SH3PXD2A: variants seen among roughly 807,000 people sequenced by gnomAD.
SH3PXD2A encodes the protein SH3 and PX domain-containing protein 2A.
Under a neutral mutation model 115.2 loss-of-function variants are expected in SH3PXD2A, and 32 were observed. The ratio of observed to expected loss-of-function variants is 0.28; its 90% CI spans 0.21 to 0.37. SH3PXD2A has a LOEUF of 0.37. SH3PXD2A is among the 10% of genes least tolerant of loss of function. SH3PXD2A has a pLI of 1.00. For synonymous variants in SH3PXD2A, 610 were observed against 629.1 expected (o/e 0.97, Z 0.45); for missense variants, 1,328 against 1,498.7 (o/e 0.89, Z 1.88).
chr10:103,622,570 C>T lies in SH3PXD2A; in HGVS notation c.719-17G>A, dbSNP rs761651734. ...TCTTGGACACTGGTGTGGGAGATGG[C>T]GATGGAGCATGCGGCCAACAGCAAC... On this transcript the variant is annotated splice_polypyrimidine_tract_variant and intron_variant, in intron 9 of 14. Coordinates refer to ENST00000369774, the MANE Select transcript of SH3PXD2A (RefSeq NM_001394015.1). 1.7e-5 allele frequency: 26 copies of T among 1,532,622 alleles called. No homozygotes were observed. Among genetic ancestry groups the T allele is most frequent in the East Asian group, 2.5e-5 (1 of 40,590 alleles). The allele number at this position is 1,532,622 out of a possible 1,614,324, so 94.9% of individuals were successfully genotyped here.
intron 3 of SH3PXD2A, among the ~76,000 whole-genome samples, chr10:103,741,745 C>T (rs1431204856): frequency 6.6e-6 from 1 of 152,204 alleles, no homozygotes; most frequent in East Asian, 1.9e-4. Flanking sequence ...GCTCCAAGGA[C>T]AGCCCTCCTG....
At chr10:103,830,626 A>G (rs190423666) in intron 1 of SH3PXD2A, among the ~76,000 whole-genome samples, 2 of 152,376 alleles carry the variant, frequency 1.3e-5, no homozygotes, top group East Asian at 3.9e-4. Context: ...TGTGGTGGAC[A>G]TGAGTATGGA....
rs2036144496 is a variant in SH3PXD2A, at chr10:103,596,920, A to C, written c.*4896T>G. On this transcript the variant is annotated 3_prime_UTR_variant, in exon 15 of 15. Coordinates refer to ENST00000369774, the MANE Select transcript of SH3PXD2A (RefSeq NM_001394015.1). Reference sequence around the variant, plus strand: ...AGCAAGCATACAGTACTGGAGGTGGAGGGAACAAGCCACAGGGACGTCCCT... The same window carrying C: ...AGCAAGCATACAGTACTGGAGGTGGCGGGAACAAGCCACAGGGACGTCCCT... 6.6e-6 allele frequency: 1 copy of C among 152,548 alleles called. No individual in the cohort carries two copies. The highest frequency in any genetic ancestry group is 1.5e-5 in the Non-Finnish European group (1 of 68,034). 9.4% of individuals were successfully genotyped at this position (152,548 alleles called of 1,614,324 possible). A position where few individuals can be genotyped will look rare whatever the true frequency, so the allele number is the denominator to read the frequency against.
chr10:103,692,925 A>ACCCCCCCCAC, intron 6 of SH3PXD2A, 103 bp downstream of exon 6: 21 of 908,234 alleles, frequency 2.3e-5, no homozygotes, highest in East Asian at 5.6e-5. Flanking sequence ...TGCAAGGACA[A>ACCCCCCCCAC]CCCCCCCCTC....
chr10:103,769,433 C>T, intron 2 of SH3PXD2A, among the ~76,000 whole-genome samples: 1 of 131,112 alleles, frequency 7.6e-6, no homozygotes, highest in East Asian at 2.1e-4. Flanking sequence ...TTTTCTTTTT[C>T]TTTCTTCTTC....
chr10:103,651,431 C>T (rs548565871), intron 8 of SH3PXD2A, among the ~76,000 whole-genome samples: 80 of 152,360 alleles, frequency 5.3e-4, no homozygotes, highest in African/African-American at 1.8e-3. Flanking sequence ...CACAACTGAC[C>T]GCTGCTTTCC....
intron 1 of SH3PXD2A, among the ~76,000 whole-genome samples, chr10:103,802,520 G>C (rs1420832154): frequency 2.0e-5 from 3 of 152,192 alleles, no homozygotes; most frequent in Non-Finnish European, 2.9e-5. Context: ...GAGAAGGAGA[G>C]AAAGCCCCCA....
intron 8 of SH3PXD2A, among the ~76,000 whole-genome samples, chr10:103,632,582 C>T (rs1294944209): frequency 3.4e-5 from 5 of 147,042 alleles, no homozygotes; most frequent in Non-Finnish European, 6.1e-5. Context: ...AACCTGTGCC[C>T]ACCTAGGTGG....
chr10:103,743,708 C>G (rs550300982), intron 3 of SH3PXD2A, among the ~76,000 whole-genome samples: 1 of 152,190 alleles, frequency 6.6e-6, no homozygotes, highest in East Asian at 1.9e-4. Flanking sequence ...CAAGCAGACA[C>G]CAAGAGGGTA....
chr10:103,781,416 G>C (rs2038930693), intron 2 of SH3PXD2A, among the ~76,000 whole-genome samples: 2 of 152,182 alleles, frequency 1.3e-5, no homozygotes, highest in African/African-American at 4.8e-5. Context: ...ACCAGCTGGG[G>C]GAGTCTGAGT....
chr10:103,734,942 G>A (rs1443128092), intron 4 of SH3PXD2A, among the ~76,000 whole-genome samples: 1 of 152,222 alleles, frequency 6.6e-6, no homozygotes, highest in Non-Finnish European at 1.5e-5. Flanking sequence ...CCGTGTGGAG[G>A]CACCCTGTGT....
At chr10:103,707,050 C>T (rs12772784) in intron 5 of SH3PXD2A, among the ~76,000 whole-genome samples, 18,770 of 152,176 alleles carry the variant, frequency 0.12, 1,344 homozygotes, top group Non-Finnish European at 0.15. Flanking sequence ...TCACGTGTGT[C>T]TCTCTCCTCT....
Position 103,622,582 on chromosome 10 carries a change from C to T in SH3PXD2A, c.719-29G>A, listed in dbSNP as rs574272539. 4.9e-5 allele frequency: 69 copies of T among 1,420,114 alleles called. 2 individuals carry two copies. The South Asian group carries it at 5.3e-4, about 11-fold the overall frequency. 88.0% of individuals were successfully genotyped at this position (1,420,114 alleles called of 1,614,324 possible). ...GTGTGGGAGATGGCGATGGAGCATG[C>T]GGCCAACAGCAACCGGCGGAGAGAA... On this transcript the variant is annotated intron_variant, in intron 9 of 14. Coordinates refer to ENST00000369774, the MANE Select transcript of SH3PXD2A (RefSeq NM_001394015.1).
At position 103,613,085 on chromosome 10, in the gene SH3PXD2A, C is replaced by T. The variant is rs374852107; in HGVS notation, c.1026G>A (p.Gly342=). 2 of 1,614,240 alleles carry T rather than the reference C, an allele frequency of 1.2e-6. No individual in the cohort carries two copies. The highest frequency in any genetic ancestry group is 1.7e-6 in the Non-Finnish European group (2 of 1,180,040). ...GCAGGTTGCTGATCTCCATGATGTT[C>T]CCAATGATCTCCACTGGGCCGGCCA... ...KNLAGPVEII[G]NIMEISNLLN... Residue 342 remains glycine, a synonymous_variant, in exon 12 of 15, where the codon GGG becomes GGA. Coordinates refer to ENST00000369774, the MANE Select transcript of SH3PXD2A (RefSeq NM_001394015.1).
chr10:103,670,809 C>T (rs2037448350), intron 6 of SH3PXD2A, among the ~76,000 whole-genome samples: 1 of 152,260 alleles, frequency 6.6e-6, no homozygotes, highest in African/African-American at 2.4e-5. Context: ...AAGGTAGACA[C>T]ACCAAGGGCC....
At chr10:103,842,743 A>G (rs1347403924) in intron 1 of SH3PXD2A, among the ~76,000 whole-genome samples, 1 of 152,046 alleles carries the variant, frequency 6.6e-6, no homozygotes, top group Non-Finnish European at 1.5e-5. Flanking sequence ...TTGTTTGTTT[A>G]TTGTTTCCTT....
intron 13 of SH3PXD2A, among the ~76,000 whole-genome samples, chr10:103,607,402 G>A (rs1221363426): frequency 6.6e-6 from 1 of 151,954 alleles, no homozygotes; most frequent in Admixed American, 6.5e-5. Context: ...CGGGAGGGAG[G>A]TGGGGGTCAG....
intron 2 of SH3PXD2A, among the ~76,000 whole-genome samples, chr10:103,785,370 G>C (rs543596254): frequency 6.6e-6 from 1 of 152,288 alleles, no homozygotes; most frequent in South Asian, 2.1e-4. Context: ...AGTCAGATAA[G>C]GGGAAGAGCT....
intron 2 of SH3PXD2A, among the ~76,000 whole-genome samples, chr10:103,796,025 G>A (rs534325529): frequency 6.6e-6 from 1 of 152,140 alleles, no homozygotes; most frequent in East Asian, 1.9e-4. Context: ...ACTAGAGTGT[G>A]GGTGTTTGGC....
Sources: gnomAD v4.1 joint callset for allele counts (sites outside exome capture counted in the v4.1 genomes callset) on GRCh38, gnomAD v4.1.1 for gene constraint, MANE v1.5 for transcripts, NCBI Gene and HGNC (gene_info 2026-07-23, HGNC 2026-07-21) for gene names.